Variants in EFNA1 observed in about 807,000 individuals in gnomAD.
EFNA1 encodes the protein ephrin A1.
EFNA1 carries 8 observed loss-of-function variants against 23.2 expected under a neutral mutation model. That is an observed-to-expected ratio of 0.34 (90% CI 0.20 to 0.62). The LOEUF is 0.62. Among genes scored for constraint, EFNA1 ranks in the 20% least tolerant of loss-of-function variants. The pLI is 0.75. For missense variants in EFNA1, 217 were observed against 260.0 expected, an observed-to-expected ratio of 0.83 and a Z score of 1.14; for synonymous variants, 89 against 98.6, an observed-to-expected ratio of 0.90 and a Z score of 0.58.
At chr1:155,131,728 G>T (rs1312518217) in intron 2 of EFNA1, 94 bp downstream of exon 2, 2 of 1,365,322 alleles carry the variant, frequency 1.5e-6, no homozygotes, top group Non-Finnish European at 1.0e-6. Context: ...GCAGCAGAGG[G>T]CCCCTTCCGA....
Position 155,134,078 on chromosome 1 carries a change from C to T in EFNA1, c.*11C>T. ...CTGCAAACCCCGTGAAGGTGTATGC[C>T]ACACCTGGCCTTAAAGAGGGACAGG... On this transcript the variant is annotated 3_prime_UTR_variant, in exon 5 of 5. Transcript: ENST00000368407. 1 of 1,612,022 alleles carries T rather than the reference C, an allele frequency of 6.2e-7. No homozygotes were observed. The highest frequency in any genetic ancestry group is 8.5e-7 in the Non-Finnish European group (1 of 1,178,714).
intron 1 of EFNA1, 140 bp downstream of exon 1, chr1:155,128,209 A>C: frequency 2.8e-6 from 2 of 710,334 alleles, no homozygotes; most frequent in South Asian, 1.7e-5. Context: ...TCCTCCCCTC[A>C]CTTCTCCGTC....
intron 2 of EFNA1, 149 bp downstream of exon 2, chr1:155,131,783 C>A: frequency 1.1e-6 from 1 of 923,294 alleles, no homozygotes; most frequent in Non-Finnish European, 1.6e-6. Flanking sequence ...TGTGAGTGAG[C>A]TTCTACTATG....
In EFNA1 at chr1:155,134,406, C is replaced by T. The variant is rs749287793; in HGVS notation, c.*339C>T. 3.0e-6 allele frequency: 1 copy of T among 335,374 alleles called. No homozygotes were observed. Among genetic ancestry groups the T allele is most frequent in the South Asian group, 3.0e-5 (1 of 32,834 alleles). 20.8% of individuals were successfully genotyped at this position (335,374 alleles called of 1,614,324 possible). The stretch of plus-strand genomic sequence containing the variant: ...GTGGGAGCTGAGCTGGAAGGGGCCA[C>T]GTGGATGGGCAAAGCTTGTCAAAGA... On this transcript the variant is annotated 3_prime_UTR_variant, in exon 5 of 5. Transcript: ENST00000368407.
rs1038737267 is a variant in EFNA1, at chr1:155,127,904, C to G, written c.-74C>G. 7 of 1,209,086 alleles carry G rather than the reference C, an allele frequency of 5.8e-6. No homozygotes were observed. The highest frequency in any genetic ancestry group is 8.2e-6 in the Non-Finnish European group (7 of 849,382). The allele number at this position is 1,209,086 out of a possible 1,614,324, so 74.9% of individuals were successfully genotyped here. A position where few individuals can be genotyped will look rare whatever the true frequency, so the allele number is the denominator to read the frequency against. On this transcript the variant is annotated 5_prime_UTR_variant, in exon 1 of 5. Transcript: ENST00000368407. This position sits in a 1 kb window ranked among gnomAD's most constrained non-coding sequence, Gnocchi z 4.4. ...TCTGTGAGCCCAGCGCTGACTGCGC[C>G]GCGGAGAAAGCCAGTGGGAACCCAG...
At chr1:155,133,139 G>A (rs1210700651) in intron 2 of EFNA1, among the ~76,000 whole-genome samples, 1 of 152,052 alleles carries the variant, frequency 6.6e-6, no homozygotes, top group African/African-American at 2.4e-5. Context: ...TCGAACTCCT[G>A]ACCTCGTGAT....
intron 1 of EFNA1, among the ~76,000 whole-genome samples, chr1:155,129,325 A>G (rs1342785113): frequency 1.3e-5 from 2 of 151,540 alleles, no homozygotes; most frequent in Non-Finnish European, 1.5e-5. Context: ...GGAGGGGGGG[A>G]CCCTGGCCTT....
Position 155,130,467 on chromosome 1 carries a change from G to A in EFNA1, c.93-872G>A, listed in dbSNP as rs556229281. 1.8e-5 allele frequency: 17 copies of A among 971,066 alleles called. No homozygotes were observed. The African/African-American group carries it at 1.9e-4, about 11-fold the overall frequency. The allele number at this position is 971,066 out of a possible 1,614,324, so 60.2% of individuals were successfully genotyped here. On this transcript the variant is annotated intron_variant, in intron 1 of 4. Transcript: ENST00000368407. ...GGGTGCTGGCTCCACCTTGGGAGGA[G>A]GGGAGAGGAGGGGAGAGGGGGAGAG... is the stretch of plus-strand genomic sequence containing the variant.
At chr1:155,130,578 A>G in intron 1 of EFNA1, 1 of 985,172 alleles carries the variant, frequency 1.0e-6, no homozygotes, top group Non-Finnish European at 1.2e-6. Flanking sequence ...GGGGAGGTGG[A>G]AGTGTGGCTT....
At chr1:155,128,586 C>A (rs376779657) in intron 1 of EFNA1, among the ~76,000 whole-genome samples, 3 of 152,188 alleles carry the variant, frequency 2.0e-5, no homozygotes, top group Non-Finnish European at 4.4e-5. Flanking sequence ...TAAAGCAAAC[C>A]TGGAAAGTCC....
chr1:155,128,051 G>A lies in EFNA1; in HGVS notation c.74G>A (p.Trp25Ter), dbSNP rs1256119888. 6.2e-7 allele frequency: 1 copy of A among 1,613,774 alleles called. No individual in the cohort carries two copies. The highest frequency in any genetic ancestry group is 1.1e-5 in the South Asian group (1 of 91,082). Residue 25 changes from tryptophan to a stop codon, truncating the protein, a stop_gained, in exon 1 of 5, where the codon TGG (tryptophan) becomes TAG (stop). Transcript: ENST00000368407. LOFTEE classifies it high-confidence loss of function. ...GCTGCTGATCGCCACACCGTCTTCT[G>A]GAACAGTTCAAATCCCAAGTAAGCC... Reference protein sequence around the residue: ...LAAADRHTVFWNSSNPKFRNE... With the variant: ...LAAADRHTVF
chr1:155,132,024 G>A (rs1489035702), intron 2 of EFNA1, among the ~76,000 whole-genome samples: 2 of 151,968 alleles, frequency 1.3e-5, no homozygotes, highest in African/African-American at 2.4e-5. Context: ...AGGACAAGCA[G>A]AGGAGCTGGC....
At chr1:155,128,731 A>T (rs564796382) in intron 1 of EFNA1, among the ~76,000 whole-genome samples, 35 of 152,214 alleles carry the variant, frequency 2.3e-4, no homozygotes, top group Non-Finnish European at 4.3e-4. Context: ...GGAAAGCTTC[A>T]GAATGAACAG....
At position 155,133,965 on chromosome 1, in the gene EFNA1, G is replaced by A. The variant is rs1234872058; in HGVS notation, c.516G>A (p.Glu172=). ...QEKRLAADDP[E]VRVLHSIGHS... is the part of the protein sequence containing the mutation. ...CCTCTCACCTTGCAGATGACCCAGA[G>A]GTGCGGGTTCTACATAGCATCGGTC... Residue 172 remains glutamate, a synonymous_variant, in exon 5 of 5, where the codon GAG becomes GAA. Transcript: ENST00000368407. The A allele has an allele frequency of 6.2e-7, 1 of 1,614,058 alleles. No homozygotes were observed. The highest frequency in any genetic ancestry group is 8.5e-7 in the Non-Finnish European group (1 of 1,179,976).
At chr1:155,128,691 A>C (rs1664151737) in intron 1 of EFNA1, among the ~76,000 whole-genome samples, 1 of 152,212 alleles carries the variant, frequency 6.6e-6, no homozygotes, top group African/African-American at 2.4e-5. Context: ...TCAAGTAGTA[A>C]AAGCGAAGAG....
chr1:155,134,707 T>G lies in EFNA1; in HGVS notation c.*640T>G, dbSNP rs576609812. ...TGTAGCTGTAAGGGCAGTGCCCATG[T>G]GTACATTCTGCCTAGAGTGTAGCCT... On this transcript the variant is annotated 3_prime_UTR_variant, in exon 5 of 5. Coordinates refer to ENST00000368407, the MANE Select transcript of EFNA1 (RefSeq NM_004428.3). The G allele has an allele frequency of 4.3e-5, 7 of 163,948 alleles. No homozygotes were observed. The highest frequency in any genetic ancestry group is 1.7e-4 in the African/African-American group (7 of 41,618). 10.2% of individuals were successfully genotyped at this position (163,948 alleles called of 1,614,324 possible).
chr1:155,131,179 G>A, intron 1 of EFNA1, 160 bp from the exon 2 acceptor site: 2 of 1,342,756 alleles, frequency 1.5e-6, no homozygotes, highest in Non-Finnish European at 2.0e-6. Flanking sequence ...AGAGAGAAAT[G>A]TAAGACATCA....
intron 2 of EFNA1, 85 bp downstream of exon 2, chr1:155,131,719 C>A: frequency 7.0e-7 from 1 of 1,418,598 alleles, no homozygotes; most frequent in Non-Finnish European, 9.6e-7. Context: ...TAGAGTCCAG[C>A]AGCAGAGGGC....
intron 1 of EFNA1, among the ~76,000 whole-genome samples, chr1:155,128,928 G>A (rs556056983): frequency 3.9e-5 from 6 of 152,274 alleles, no homozygotes; most frequent in Non-Finnish European, 5.9e-5. Flanking sequence ...GTAGGGAGGA[G>A]CAGGGAGAGA....
Sources: allele counts gnomAD v4.1 joint callset (sites outside exome capture counted in the v4.1 genomes callset), GRCh38; gene constraint gnomAD v4.1.1; non-coding constraint Gnocchi (gnomAD v3.1); transcripts MANE v1.5; gene names NCBI Gene and HGNC (gene_info 2026-07-23, HGNC 2026-07-21).